Variants in SGK3 observed in about 807,000 individuals in gnomAD.
SGK3 encodes serum/glucocorticoid regulated kinase family member 3.
SGK3 carries 47 observed loss-of-function variants against 68.5 expected under a neutral mutation model. The ratio of observed to expected loss-of-function variants is 0.69; its 90% CI spans 0.54 to 0.87. SGK3 has a LOEUF of 0.87. Among genes scored for constraint, SGK3 ranks in the 40% least tolerant of loss-of-function variants. The pLI is 0.00. For synonymous variants in SGK3, 181 were observed against 189.1 expected (o/e 0.96, Z 0.35); for missense variants, 479 against 575.5 (o/e 0.83, Z 1.72).
chr8:66,797,663 A>G (rs1807754005), intron 2 of SGK3, among the ~76,000 whole-genome samples: 2 of 152,230 alleles, frequency 1.3e-5, no homozygotes, highest in Admixed American at 1.3e-4. Flanking sequence ...TAATAGTTTG[A>G]AAACTACTAT....
At chr8:66,813,650 T>C (rs1808467721) in intron 4 of SGK3, among the ~76,000 whole-genome samples, 1 of 149,246 alleles carries the variant, frequency 6.7e-6, no homozygotes, top group African/African-American at 2.4e-5. Context: ...ACTACATATA[T>C]GTAATATATA....
At chr8:66,718,332 C>T (rs1273355149) in intron 1 of SGK3, among the ~76,000 whole-genome samples, 2 of 151,768 alleles carry the variant, frequency 1.3e-5, no homozygotes, top group African/African-American at 4.8e-5. Context: ...GCCTACCTCC[C>T]TATTTTCTAA....
chr8:66,837,416 A>G (rs1355899830), intron 10 of SGK3, among the ~76,000 whole-genome samples: 2 of 152,208 alleles, frequency 1.3e-5, no homozygotes, highest in Non-Finnish European at 2.9e-5. Flanking sequence ...AAAGATGGTC[A>G]GACACACCTA....
chr8:66,816,356 T>TTG (rs1554602623), intron 5 of SGK3, among the ~76,000 whole-genome samples: 7 of 148,256 alleles, frequency 4.7e-5, no homozygotes, highest in African/African-American at 7.5e-5. Context: ...TTTTTTTTTT[T>TTG]TGTGTGTGAG....
intron 3 of SGK3, among the ~76,000 whole-genome samples, chr8:66,803,451 T>A (rs756656887): frequency 1.4e-4 from 21 of 151,998 alleles, no homozygotes; most frequent in Admixed American, 4.6e-4. Flanking sequence ...CACCTCAGCC[T>A]CCCAAAGTGC....
chr8:66,827,441 C>CT (rs1809110730), intron 6 of SGK3, among the ~76,000 whole-genome samples: 1 of 143,254 alleles, frequency 7.0e-6, no homozygotes, highest in African/African-American at 2.6e-5. Flanking sequence ...TTTTTAAAAG[C>CT]TTTTTTATAT....
chr8:66,782,326 CTT>C (rs777169731), intron 1 of SGK3, among the ~76,000 whole-genome samples: 1 of 143,860 alleles, frequency 7.0e-6, no homozygotes, highest in Admixed American at 7.0e-5. Flanking sequence ...ATGTGTATGG[CTT>C]TTTTTTTTTA....
intron 16 of SGK3, among the ~76,000 whole-genome samples, chr8:66,852,952 A>G (rs1002225516): frequency 6.6e-6 from 1 of 152,218 alleles, no homozygotes; most frequent in African/African-American, 2.4e-5. Flanking sequence ...CAACACTGGA[A>G]ATGGAAACAG....
At chr8:66,769,533 T>C (rs1806438678) in intron 1 of SGK3, among the ~76,000 whole-genome samples, 1 of 152,204 alleles carries the variant, frequency 6.6e-6, no homozygotes, top group Non-Finnish European at 1.5e-5. Flanking sequence ...CTTAATTCTT[T>C]TTTCTGTCTA....
intron 15 of SGK3, among the ~76,000 whole-genome samples, chr8:66,849,159 CTA>C: frequency 6.6e-6 from 1 of 152,272 alleles, no homozygotes; most frequent in Non-Finnish European, 1.5e-5. Context: ...CTTTAGTTAT[CTA>C]TATGTTTTCA....
At chr8:66,755,696 G>A (rs999550563) in intron 1 of SGK3, among the ~76,000 whole-genome samples, 1 of 152,174 alleles carries the variant, frequency 6.6e-6, no homozygotes, top group Non-Finnish European at 1.5e-5. Flanking sequence ...AACCCTGTAG[G>A]CCCAGTGGTG....
intron 10 of SGK3, 36 bp from the exon 11 acceptor site, chr8:66,839,967 T>C (rs771809507): frequency 4.5e-6 from 7 of 1,557,882 alleles, no homozygotes; most frequent in Non-Finnish European, 6.2e-6. Flanking sequence ...GATCCTAACA[T>C]TCTCTCTCCC....
intron 2 of SGK3, among the ~76,000 whole-genome samples, chr8:66,796,334 T>G (rs1807690718): frequency 1.5e-5 from 2 of 136,644 alleles, no homozygotes; most frequent in Admixed American, 7.4e-5. Context: ...TTTTTTTTTT[T>G]TTTTTTTTTT....
chr8:66,851,386 T>C (rs753704301), intron 16 of SGK3, among the ~76,000 whole-genome samples: 10 of 152,066 alleles, frequency 6.6e-5, no homozygotes, highest in Non-Finnish European at 4.4e-5. Flanking sequence ...GGTGTGGTGA[T>C]GCATGCCTTT....
chr8:66,787,861 G>A (rs1807273772), intron 1 of SGK3, among the ~76,000 whole-genome samples: 2 of 151,456 alleles, frequency 1.3e-5, no homozygotes, highest in South Asian at 4.1e-4. Context: ...TGACCAGCAG[G>A]CCATCCATTA....
chr8:66,750,731 G>C (rs1425484184), intron 1 of SGK3, among the ~76,000 whole-genome samples: 1 of 151,552 alleles, frequency 6.6e-6, no homozygotes, highest in African/African-American at 2.4e-5. Flanking sequence ...GGTGCTGGGT[G>C]TGGTAGCTCA....
chr8:66,834,053 T>A (rs1341584267), intron 8 of SGK3, among the ~76,000 whole-genome samples: 2 of 152,218 alleles, frequency 1.3e-5, no homozygotes, highest in East Asian at 3.8e-4. Flanking sequence ...ATATATGCGT[T>A]ACCTATGACA....
chr8:66,805,519 C>CAA (rs566639848), intron 4 of SGK3, among the ~76,000 whole-genome samples: 2,126 of 67,472 alleles, frequency 0.032, 66 homozygotes, highest in African/African-American at 0.099. Context: ...GACTTCATCT[C>CAA]AAAAAAAAAA....
chr8:66,728,309 G>C (rs1477871365), intron 1 of SGK3, among the ~76,000 whole-genome samples: 1 of 151,534 alleles, frequency 6.6e-6, no homozygotes, highest in Admixed American at 6.6e-5. Context: ...CCATGTTGTA[G>C]CATGTGGTAC....
Sources: allele counts gnomAD v4.1 joint callset (sites outside exome capture counted in the v4.1 genomes callset), GRCh38; gene constraint gnomAD v4.1.1; transcripts MANE v1.5; gene names NCBI Gene and HGNC (gene_info 2026-07-23, HGNC 2026-07-21).